Variants in TTC34 observed in about 807,000 individuals in gnomAD.
TTC34 encodes tetratricopeptide repeat domain 34.
Under a neutral mutation model 40.7 loss-of-function variants are expected in TTC34, and 44 were observed. That is an observed-to-expected ratio of 1.08 (90% CI 0.85 to 1.39). TTC34 has a LOEUF of 1.39. TTC34 is among the 40% of genes most tolerant of loss of function. The pLI, the probability that TTC34 is intolerant of heterozygous loss-of-function variation, is 0.00. For synonymous variants in TTC34, 422 were observed against 398.6 expected (o/e 1.06, Z -0.70); for missense variants, 884 against 838.0 (o/e 1.05, Z -0.68).
exon 8 of TTC34, chr1:2,644,303 C>A (rs1638973633): frequency 6.5e-7 from 1 of 1,535,422 alleles, no homozygotes; most frequent in Admixed American, 2.0e-5. Context: ...CCAGGAGATG[C>A]AGCAGGCAGC....
chr1:2,779,144 C>G (rs4648448), intron 6 of TTC34, among the ~76,000 whole-genome samples: 3 of 151,892 alleles, frequency 2.0e-5, no homozygotes, highest in African/African-American at 7.3e-5. Context: ...ATGGATGGAT[C>G]ATGTTTGGCT....
exon 6 of TTC34, chr1:2,783,630 G>A (rs1643523813): frequency 7.6e-6 from 11 of 1,449,342 alleles, no homozygotes; most frequent in Non-Finnish European, 1.0e-5. Context: ...CTAGGGCCAG[G>A]TGCACCAACG....
chr1:2,755,892 C>A (rs1338422097), intron 6 of TTC34, among the ~76,000 whole-genome samples: 1 of 80,506 alleles, frequency 1.2e-5, no homozygotes, highest in Non-Finnish European at 2.2e-5. Context: ...CATCCTTGAG[C>A]AGCACCCACA....
At chr1:2,682,059 C>T (rs1266999402) in intron 6 of TTC34, among the ~76,000 whole-genome samples, 4 of 55,886 alleles carry the variant, frequency 7.2e-5, no homozygotes, top group African/African-American at 2.4e-4. Flanking sequence ...TGGAGCAGCA[C>T]CCCACACCCA....
intron 6 of TTC34, among the ~76,000 whole-genome samples, chr1:2,765,673 T>G (rs1207839367): frequency 1.1e-4 from 1 of 8,970 alleles, no homozygotes; most frequent in Non-Finnish European, 1.5e-4. Context: ...ACAGCACCCA[T>G]ACCCCCAGGC....
intron 6 of TTC34, among the ~76,000 whole-genome samples, chr1:2,654,872 C>G (rs1390567233): frequency 6.7e-5 from 10 of 148,806 alleles, no homozygotes; most frequent in African/African-American, 2.5e-4. Context: ...GAGGATCAGA[C>G]AGCCTGGAGC....
intron 8 of TTC34, among the ~76,000 whole-genome samples, chr1:2,642,959 C>A (rs1638937682): frequency 6.6e-6 from 1 of 152,242 alleles, no homozygotes; most frequent in South Asian, 2.1e-4. Flanking sequence ...GCCTGCGGTG[C>A]GGCCCGCGGG....
At chr1:2,760,032 G>GCACCCA (rs1641644411) in intron 6 of TTC34, among the ~76,000 whole-genome samples, 1 of 112,358 alleles carries the variant, frequency 8.9e-6, no homozygotes, top group East Asian at 2.6e-4. Context: ...GTCCGGAGCA[G>GCACCCA]CGCCCACACA....
chr1:2,699,791 C>A (rs151028714), intron 6 of TTC34, among the ~76,000 whole-genome samples: 738 of 64,598 alleles, frequency 0.011, 59 homozygotes, highest in Admixed American at 0.02. Flanking sequence ...GAGCATCGGA[C>A]ATCCTCGAGC....
chr1:2,749,966 G>C (rs1467696647), intron 6 of TTC34, among the ~76,000 whole-genome samples: 54 of 6,570 alleles, frequency 8.2e-3, no homozygotes, highest in Admixed American at 0.012. Flanking sequence ...CACACACACC[G>C]CCAGGTGAGC....
exon 6 of TTC34, chr1:2,783,684 C>T (rs1465036401): frequency 6.5e-7 from 1 of 1,544,136 alleles, no homozygotes; most frequent in East Asian, 2.5e-5. Flanking sequence ...CAGCCCGCAG[C>T]ACTGTGTTGA....
At chr1:2,676,842 CACACCCCCAGG>C (rs1639919879) in intron 6 of TTC34, among the ~76,000 whole-genome samples, 1 of 59,382 alleles carries the variant, frequency 1.7e-5, no homozygotes, top group Non-Finnish European at 3.7e-5. Flanking sequence ...GAACAGCACC[CACACCCCCAGG>C]TGAGCATCTG....
At chr1:2,690,119 GC>G (rs1397994809) in intron 6 of TTC34, among the ~76,000 whole-genome samples, 2 of 145,828 alleles carry the variant, frequency 1.4e-5, no homozygotes, top group African/African-American at 5.2e-5. Flanking sequence ...GTATCTGACT[GC>G]CTGGAACAGC....
chr1:2,644,492 A>G lies in TTC34; in HGVS notation c.2498-14T>C, dbSNP rs887739764. The stretch of plus-strand genomic sequence containing the variant: ...CCTCGTAGCTGCCTGTCAGGGATTC[A>G]GGAGGGACAGTCAGTGTGTGGGGTT... On this transcript the variant is annotated splice_polypyrimidine_tract_variant and intron_variant, in intron 7 of 8. Coordinates refer to ENST00000401095, the Ensembl canonical transcript of TTC34. The G allele has an allele frequency of 6.5e-7, 1 of 1,529,552 alleles. No individual in the cohort carries two copies. Among genetic ancestry groups the G allele is most frequent in the East Asian group, 2.5e-5 (1 of 40,658 alleles). The allele number at this position is 1,529,552 out of a possible 1,614,324, so 94.7% of individuals were successfully genotyped here.
At chr1:2,751,402 C>G (rs1641314408) in intron 6 of TTC34, among the ~76,000 whole-genome samples, 1 of 145,306 alleles carries the variant, frequency 6.9e-6, no homozygotes. Flanking sequence ...GAGCAGCACC[C>G]ACACACACAG....
intron 6 of TTC34, among the ~76,000 whole-genome samples, chr1:2,687,678 C>T (rs1161714056): frequency 2.0e-5 from 3 of 151,504 alleles, no homozygotes; most frequent in Non-Finnish European, 4.4e-5. Flanking sequence ...GCTGGAGCAG[C>T]ACGCACACCC....
At chr1:2,751,719 C>T (rs1641326885) in intron 6 of TTC34, among the ~76,000 whole-genome samples, 7 of 150,954 alleles carry the variant, frequency 4.6e-5, no homozygotes, top group Middle Eastern at 3.4e-3. Flanking sequence ...CCTGGAGCAG[C>T]ACCCACACCC....
intron 6 of TTC34, among the ~76,000 whole-genome samples, chr1:2,696,001 GGT>G (rs1640848404): frequency 1.2e-4 from 7 of 60,066 alleles, no homozygotes; most frequent in Admixed American, 1.8e-4. Flanking sequence ...CACACCCCCA[GGT>G]GAGCATCTGA....
intron 6 of TTC34, among the ~76,000 whole-genome samples, chr1:2,751,703 C>G (rs1449198513): frequency 2.7e-4 from 27 of 100,270 alleles, no homozygotes; most frequent in African/African-American, 6.7e-4. Context: ...AGCGAGCATC[C>G]GACAGCCTGG....
Sources: allele counts gnomAD v4.1 joint callset (sites outside exome capture counted in the v4.1 genomes callset), GRCh38; gene constraint gnomAD v4.1.1; transcripts MANE v1.5; gene names NCBI Gene and HGNC (gene_info 2026-07-23, HGNC 2026-07-21).